LHFPL3: variants seen among roughly 807,000 people sequenced by gnomAD.
The protein encoded by LHFPL3 is LHFPL tetraspan subfamily member 3, also known as LHFPL tetraspan subfamily member 3 protein.
A neutral mutation model predicts 19.3 loss-of-function variants in LHFPL3; 5 were observed. That is an observed-to-expected ratio of 0.26 (90% confidence interval 0.14 to 0.54). The LOEUF is 0.54. LHFPL3 is among the 20% of genes least tolerant of loss of function. The pLI, the probability that LHFPL3 is intolerant of heterozygous loss-of-function variation, is 0.94. For synonymous variants in LHFPL3, 133 were observed against 126.2 expected (o/e 1.05, Z -0.36); for missense variants, 249 against 307.4 (o/e 0.81, Z 1.42).
chr7:104,738,432 T>A (rs1257511051), intron 2 of LHFPL3, among the ~76,000 whole-genome samples: 1 of 152,124 alleles, frequency 6.6e-6, no homozygotes, highest in Non-Finnish European at 1.5e-5. Context: ...AAGAATGAAT[T>A]AAATAAAAGC....
chr7:104,668,357 T>C (rs1012485258), intron 1 of LHFPL3: 3 of 1,594,172 alleles, frequency 1.9e-6, no homozygotes, highest in African/African-American at 1.3e-5. Context: ...GGGCTCGTCC[T>C]GCTACAGACA....
chr7:104,718,531 T>C (rs1301101024), intron 1 of LHFPL3, among the ~76,000 whole-genome samples: 1 of 152,178 alleles, frequency 6.6e-6, no homozygotes, highest in Non-Finnish European at 1.5e-5. Context: ...TTTCAGCCTA[T>C]AGTGACTTTC....
intron 1 of LHFPL3, among the ~76,000 whole-genome samples, chr7:104,365,774 C>A (rs1418069458): frequency 1.9e-4 from 18 of 94,024 alleles, no homozygotes; most frequent in African/African-American, 6.8e-4. Context: ...GGCGACAGAG[C>A]GAGACTCCGT....
intron 1 of LHFPL3, among the ~76,000 whole-genome samples, chr7:104,402,439 G>A (rs955070275): frequency 6.6e-6 from 1 of 152,200 alleles, no homozygotes; most frequent in African/African-American, 2.4e-5. Flanking sequence ...TTTCCTCCAA[G>A]AATTTCATCG....
At chr7:104,595,907 G>C (rs1790842766) in intron 1 of LHFPL3, among the ~76,000 whole-genome samples, 1 of 152,252 alleles carries the variant, frequency 6.6e-6, no homozygotes, top group African/African-American at 2.4e-5. Context: ...CGGTTGCTAA[G>C]ACCTTGGGAA....
chr7:104,414,230 A>G (rs758666801), intron 1 of LHFPL3, among the ~76,000 whole-genome samples: 1 of 152,156 alleles, frequency 6.6e-6, no homozygotes, highest in South Asian at 2.1e-4. Context: ...AGTGACTTTC[A>G]TGTCTTATCC....
chr7:104,863,902 G>A (rs1437193058), intron 2 of LHFPL3, among the ~76,000 whole-genome samples: 1 of 152,194 alleles, frequency 6.6e-6, no homozygotes, highest in Non-Finnish European at 1.5e-5. Flanking sequence ...GGCAGCCCTG[G>A]AGGAAACACC....
chr7:104,616,096 C>G (rs904957633), intron 1 of LHFPL3, among the ~76,000 whole-genome samples: 3 of 152,176 alleles, frequency 2.0e-5, no homozygotes, highest in Non-Finnish European at 2.9e-5. Context: ...CTATCCCCAT[C>G]AAGCTACCAT....
At chr7:104,884,905 AAGG>A (rs1227423631) in intron 2 of LHFPL3, among the ~76,000 whole-genome samples, 1 of 152,148 alleles carries the variant, frequency 6.6e-6, no homozygotes, top group Non-Finnish European at 1.5e-5. Context: ...TGGTGGAGAG[AAGG>A]AGAAGTGGAG....
At chr7:104,499,005 C>T (rs1793545976) in intron 1 of LHFPL3, among the ~76,000 whole-genome samples, 2 of 152,228 alleles carry the variant, frequency 1.3e-5, no homozygotes, top group Non-Finnish European at 2.9e-5. Flanking sequence ...AATGTTTGGG[C>T]ATGGGTATTT....
intron 1 of LHFPL3, among the ~76,000 whole-genome samples, chr7:104,519,359 C>A (rs890747332): frequency 6.6e-6 from 1 of 152,136 alleles, no homozygotes; most frequent in African/African-American, 2.4e-5. Flanking sequence ...AGAGGGAAAG[C>A]ATTGGGAACT....
intron 1 of LHFPL3, among the ~76,000 whole-genome samples, chr7:104,509,116 C>G (rs1793761193): frequency 6.6e-6 from 1 of 151,746 alleles, no homozygotes. Context: ...TAAAAACTCC[C>G]CTGTATAAGA....
At chr7:104,758,738 G>A (rs1794326271) in intron 2 of LHFPL3, among the ~76,000 whole-genome samples, 2 of 152,016 alleles carry the variant, frequency 1.3e-5, no homozygotes, top group African/African-American at 4.8e-5. Context: ...ACTCAAACAA[G>A]CTACGAGATA....
chr7:104,449,423 A>T (rs1792389305), intron 1 of LHFPL3, among the ~76,000 whole-genome samples: 1 of 152,202 alleles, frequency 6.6e-6, no homozygotes, highest in Non-Finnish European at 1.5e-5. Context: ...GCCAATTTCT[A>T]AATGTACTTT....
intron 2 of LHFPL3, among the ~76,000 whole-genome samples, chr7:104,833,138 T>C (rs1424910673): frequency 1.2e-5 from 1 of 80,270 alleles, no homozygotes; most frequent in East Asian, 3.4e-4. Flanking sequence ...ATATATACAC[T>C]CCTCAAGCTT....
chr7:104,483,621 A>G (rs146826742), intron 1 of LHFPL3, among the ~76,000 whole-genome samples: 22 of 152,202 alleles, frequency 1.4e-4, no homozygotes, highest in African/African-American at 5.3e-4. Flanking sequence ...GCATGTAGTC[A>G]TTTTTTAAGA....
At chr7:104,630,896 C>T (rs987878484) in intron 1 of LHFPL3, among the ~76,000 whole-genome samples, 3 of 152,124 alleles carry the variant, frequency 2.0e-5, no homozygotes, top group Non-Finnish European at 4.4e-5. Context: ...GAGCTGTCCA[C>T]ACCCACCCAC....
At chr7:104,828,290 T>C (rs1238844130) in intron 2 of LHFPL3, among the ~76,000 whole-genome samples, 1 of 151,910 alleles carries the variant, frequency 6.6e-6, no homozygotes, top group Non-Finnish European at 1.5e-5. Context: ...GCAGGGCTCC[T>C]GAGTCTCTGT....
chr7:104,528,134 A>G (rs1439119728), intron 1 of LHFPL3, among the ~76,000 whole-genome samples: 1 of 152,192 alleles, frequency 6.6e-6, no homozygotes, highest in Non-Finnish European at 1.5e-5. Context: ...CCACAAAGGA[A>G]ACAGAAATAA....
Sources: allele counts gnomAD v4.1 joint callset (sites outside exome capture counted in the v4.1 genomes callset), GRCh38; gene constraint gnomAD v4.1.1; transcripts MANE v1.5; gene names NCBI Gene and HGNC (gene_info 2026-07-23, HGNC 2026-07-21).